GALNT13: variants seen among roughly 807,000 people sequenced by gnomAD.
GALNT13 encodes the protein UDP-GalNAc:polypeptide N-acetylgalactosaminyltransferase 13.
Under a neutral mutation model 64.2 loss-of-function variants are expected in GALNT13, and 28 were observed. The ratio of observed to expected loss-of-function variants is 0.44; its 90% CI spans 0.32 to 0.60. The LOEUF is 0.60. Ranked by LOEUF, GALNT13 falls within the 20% of genes least tolerant of loss-of-function variation. The probability of loss-of-function intolerance (pLI) is 0.05; values close to 1 mark genes in which losing one functional copy is unlikely to be tolerated. For missense variants in GALNT13, 577 were observed against 669.8 expected, an observed-to-expected ratio of 0.86 and a Z score of 1.53; for synonymous variants, 214 against 224.6, an observed-to-expected ratio of 0.95 and a Z score of 0.42.
In GALNT13 at chr2:153,986,667, A is replaced by G. The variant is rs367630632; in HGVS notation, c.142+42028A>G. ...GTCACAATAGAAGACTCTTTTCTGT[A>G]CTAGTGCTTTAACTAGCAAAACAGC... is the stretch of plus-strand genomic sequence containing the variant. On this transcript the variant is annotated intron_variant, in intron 3 of 12. Transcript: ENST00000392825. 1.2e-4 allele frequency among the ~76,000 whole-genome samples: 18 copies of G among 152,046 alleles called. No individual in the cohort carries two copies. The East Asian group carries it at 1.9e-3, about 16-fold the overall frequency.
the GALNT13 span, among the ~76,000 whole-genome samples, chr2:153,651,983 G>A: frequency 6.6e-6 from 1 of 152,108 alleles, no homozygotes; most frequent in Non-Finnish European, 1.5e-5. Context: ...AGCTTCCCGG[G>A]TACTATCTAG....
chr2:153,187,180 A>G, the GALNT13 span, among the ~76,000 whole-genome samples: 3 of 152,240 alleles, frequency 2.0e-5, no homozygotes, highest in Non-Finnish European at 4.4e-5. Context: ...AATAATTGAC[A>G]TAATAGCCAT....
At chr2:153,750,610 T>TA in the GALNT13 span, among the ~76,000 whole-genome samples, 5 of 151,932 alleles carry the variant, frequency 3.3e-5, no homozygotes, top group African/African-American at 1.2e-4. Flanking sequence ...TTTGTGGACT[T>TA]ACGTTGCTCA....
At chr2:153,081,864 C>T in the GALNT13 span, among the ~76,000 whole-genome samples, 2 of 152,006 alleles carry the variant, frequency 1.3e-5, no homozygotes, top group African/African-American at 4.8e-5. Context: ...TTCTGATTTC[C>T]TTTTTGTGGG....
At chr2:153,387,753 T>A in the GALNT13 span, among the ~76,000 whole-genome samples, 2 of 152,042 alleles carry the variant, frequency 1.3e-5, no homozygotes. Context: ...AATTATTCCC[T>A]TTATCCATGT....
At chr2:153,767,595 C>T in the GALNT13 span, among the ~76,000 whole-genome samples, 1 of 152,298 alleles carries the variant, frequency 6.6e-6, no homozygotes, top group South Asian at 2.1e-4. Flanking sequence ...CTTTACTCCA[C>T]ATCCATAACA....
intron 3 of GALNT13, among the ~76,000 whole-genome samples, chr2:153,983,174 C>A (rs749403147): frequency 5.9e-5 from 9 of 151,700 alleles, no homozygotes; most frequent in Non-Finnish European, 1.0e-4. Context: ...GTAGTTTCTT[C>A]AATGTTTGCT....
chr2:153,959,395 T>C (rs1574207682), intron 3 of GALNT13, among the ~76,000 whole-genome samples: 1 of 152,292 alleles, frequency 6.6e-6, no homozygotes, highest in Non-Finnish European at 1.5e-5. Context: ...CTGCCTTAAT[T>C]GTCCACTCAC....
the GALNT13 span, among the ~76,000 whole-genome samples, chr2:153,143,693 T>C: frequency 1.3e-5 from 2 of 152,080 alleles, no homozygotes; most frequent in African/African-American, 4.8e-5. Context: ...CAAATGTTAC[T>C]AGTTGAAGTC....
chr2:154,437,779 C>T (rs898017470), intron 11 of GALNT13: 32 of 361,342 alleles, frequency 8.9e-5, no homozygotes, highest in Non-Finnish European at 1.7e-4. Flanking sequence ...CGCTTGAATC[C>T]GGGAGGCGGA....
chr2:153,267,511 C>G, the GALNT13 span, among the ~76,000 whole-genome samples: 2 of 152,208 alleles, frequency 1.3e-5, no homozygotes. Flanking sequence ...CTTGCACCCT[C>G]TAAAGCAATA....
the GALNT13 span, among the ~76,000 whole-genome samples, chr2:153,202,723 T>C: frequency 6.6e-6 from 1 of 152,222 alleles, no homozygotes; most frequent in Non-Finnish European, 1.5e-5. Flanking sequence ...AATTATGATC[T>C]CCAAAGAGTG....
intron 3 of GALNT13, among the ~76,000 whole-genome samples, chr2:154,038,883 T>A (rs1016167166): frequency 1.3e-5 from 2 of 152,048 alleles, no homozygotes; most frequent in African/African-American, 4.8e-5. Flanking sequence ...ATATCCAGAA[T>A]ATATAAGGAA....
the GALNT13 span, among the ~76,000 whole-genome samples, chr2:153,795,067 A>G: frequency 6.6e-6 from 1 of 152,196 alleles, no homozygotes; most frequent in Non-Finnish European, 1.5e-5. Flanking sequence ...TTTGGCTTTC[A>G]GCTGAGCCGG....
At chr2:154,180,621 A>G (rs994877786) in intron 4 of GALNT13, among the ~76,000 whole-genome samples, 2 of 152,162 alleles carry the variant, frequency 1.3e-5, no homozygotes, top group African/African-American at 4.8e-5. Context: ...ATCACCATGC[A>G]TAATAAGCGT....
At chr2:153,276,554 A>C in the GALNT13 span, among the ~76,000 whole-genome samples, 23 of 152,254 alleles carry the variant, frequency 1.5e-4, no homozygotes, top group East Asian at 4.4e-3. Flanking sequence ...TTCATAAATA[A>C]AATGCCCATG....
chr2:153,211,484 T>C, the GALNT13 span, among the ~76,000 whole-genome samples: 1 of 152,328 alleles, frequency 6.6e-6, no homozygotes, highest in African/African-American at 2.4e-5. Flanking sequence ...CATTTTTTTC[T>C]ATGGCTATCA....
chr2:153,079,600 G>A, the GALNT13 span, among the ~76,000 whole-genome samples: 1 of 152,128 alleles, frequency 6.6e-6, no homozygotes, highest in Non-Finnish European at 1.5e-5. Flanking sequence ...GACGGCTTAT[G>A]TTTCAGCTAC....
the GALNT13 span, among the ~76,000 whole-genome samples, chr2:153,097,426 A>C: frequency 6.6e-6 from 1 of 152,102 alleles, no homozygotes; most frequent in Non-Finnish European, 1.5e-5. Flanking sequence ...CTATTGTGCC[A>C]TCTTGTTCCA....
Sources: gnomAD v4.1 joint callset for allele counts (sites outside exome capture counted in the v4.1 genomes callset) on GRCh38, gnomAD v4.1.1 for gene constraint, MANE v1.5 for transcripts, NCBI Gene and HGNC (gene_info 2026-07-23, HGNC 2026-07-21) for gene names.